Variants in BRD10 observed in about 807,000 individuals in gnomAD.
BRD10 encodes bromodomain containing 10, also known as uncharacterized bromodomain-containing protein 10.
At chr9:5,945,548 C>T in the BRD10 span, among the ~76,000 whole-genome samples, 1 of 152,080 alleles carries the variant, frequency 6.6e-6, no homozygotes, top group African/African-American at 2.4e-5. Context: ...CCACAGATAG[C>T]ATCTATTTCC....
chr9:5,982,965 TTTA>T, the BRD10 span, among the ~76,000 whole-genome samples: 3 of 152,338 alleles, frequency 2.0e-5, no homozygotes, highest in African/African-American at 7.2e-5. Context: ...TATTGTTATT[TTTA>T]TTGTTTTTTT....
chr9:6,004,884 C>G, the BRD10 span, among the ~76,000 whole-genome samples: 1 of 152,144 alleles, frequency 6.6e-6, no homozygotes, highest in African/African-American at 2.4e-5. Context: ...AACTGATGTC[C>G]TAGTATCCAC....
the BRD10 span, among the ~76,000 whole-genome samples, chr9:5,955,947 A>T: frequency 5.1e-4 from 77 of 152,254 alleles, no homozygotes; most frequent in African/African-American, 1.8e-3. Context: ...GGGGCTCATG[A>T]ATTTGAATGC....
the BRD10 span, chr9:5,923,343 T>C: frequency 2.0e-6 from 3 of 1,477,258 alleles, no homozygotes; most frequent in East Asian, 4.5e-5. Flanking sequence ...TTTGTTTATA[T>C]AAAACAGCAA....
chr9:5,919,585 A>ACACACACACACACACAC, the BRD10 span: 8 of 351,134 alleles, frequency 2.3e-5, no homozygotes, highest in African/African-American at 2.4e-4. Flanking sequence ...CACACACACA[A>ACACACACACACACACAC]TGTATAGTAT....
chr9:5,957,429 C>G, the BRD10 span, among the ~76,000 whole-genome samples: 1 of 152,080 alleles, frequency 6.6e-6, no homozygotes, highest in East Asian at 1.9e-4. Flanking sequence ...ATTTGTTATT[C>G]TAATTAATCT....
the BRD10 span, among the ~76,000 whole-genome samples, chr9:5,945,599 T>C: frequency 3.9e-4 from 59 of 152,222 alleles, no homozygotes; most frequent in East Asian, 1.3e-3. Context: ...CCTGGTAACA[T>C]TGGCAAATGG....
the BRD10 span, among the ~76,000 whole-genome samples, chr9:5,981,135 A>C: frequency 6.6e-6 from 1 of 152,226 alleles, no homozygotes; most frequent in Non-Finnish European, 1.5e-5. Context: ...TATCTGTATC[A>C]ATAGGCAACC....
At chr9:5,992,451 T>C in the BRD10 span, among the ~76,000 whole-genome samples, 172 of 152,188 alleles carry the variant, frequency 1.1e-3, 1 homozygote, top group African/African-American at 4.0e-3. Flanking sequence ...TAAAATAAGA[T>C]AAAAAAATAA....
the BRD10 span, among the ~76,000 whole-genome samples, chr9:5,907,482 T>C: frequency 6.6e-6 from 1 of 152,304 alleles, no homozygotes; most frequent in South Asian, 2.1e-4. Flanking sequence ...TAAGATGTAT[T>C]ATAATACATA....
At chr9:5,894,664 G>C in the BRD10 span, among the ~76,000 whole-genome samples, 3 of 152,298 alleles carry the variant, frequency 2.0e-5, no homozygotes, top group South Asian at 2.1e-4. The surrounding 1 kb of genome is among the most constrained non-coding windows in gnomAD (Gnocchi z 4.0). Context: ...AAACGAGCTG[G>C]TGCTTGGCAT....
the BRD10 span, among the ~76,000 whole-genome samples, chr9:5,961,181 G>C: frequency 7.9e-5 from 12 of 152,256 alleles, no homozygotes; most frequent in African/African-American, 2.6e-4. Flanking sequence ...TTATAGAATA[G>C]AGAGGAGACA....
At chr9:5,885,181 T>C in the BRD10 span, among the ~76,000 whole-genome samples, 1 of 152,294 alleles carries the variant, frequency 6.6e-6, no homozygotes, top group African/African-American at 2.4e-5. Context: ...AACCTCTCTG[T>C]CCTGGGTCTC....
At chr9:5,971,452 A>C in the BRD10 span, among the ~76,000 whole-genome samples, 4 of 152,222 alleles carry the variant, frequency 2.6e-5, no homozygotes, top group Non-Finnish European at 5.9e-5. Flanking sequence ...CAAGAGCCAA[A>C]AATGGGAACA....
At chr9:5,994,895 A>ATTTTTCTTTT in the BRD10 span, among the ~76,000 whole-genome samples, 4 of 144,488 alleles carry the variant, frequency 2.8e-5, no homozygotes, top group African/African-American at 7.9e-5. Context: ...AAATGCTATC[A>ATTTTTCTTTT]TTTTTCTTTT....
the BRD10 span, chr9:5,913,750 C>T: frequency 5.4e-6 from 1 of 184,756 alleles, no homozygotes; most frequent in Non-Finnish European, 1.1e-5. Context: ...TGAAAAAATA[C>T]ATTGATGCTG....
At chr9:5,983,449 A>G in the BRD10 span, among the ~76,000 whole-genome samples, 48 of 152,338 alleles carry the variant, frequency 3.2e-4, no homozygotes, top group South Asian at 6.2e-4. Context: ...CATGCCAAGA[A>G]GCAAAAGAAT....
the BRD10 span, among the ~76,000 whole-genome samples, chr9:5,941,519 G>A: frequency 5.3e-5 from 8 of 152,112 alleles, no homozygotes; most frequent in East Asian, 1.5e-3. Context: ...GGATCTAAAC[G>A]ATGATGAGGA....
At chr9:5,985,929 A>G in the BRD10 span, among the ~76,000 whole-genome samples, 7 of 152,292 alleles carry the variant, frequency 4.6e-5, no homozygotes, top group South Asian at 1.5e-3. Flanking sequence ...ATTCTTTAAA[A>G]AAAAATTGTT....
Sources: gnomAD v4.1 joint callset for allele counts (sites outside exome capture counted in the v4.1 genomes callset) on GRCh38, gnomAD v4.1.1 for gene constraint, Gnocchi (gnomAD v3.1) non-coding constraint, MANE v1.5 for transcripts, NCBI Gene and HGNC (gene_info 2026-07-23, HGNC 2026-07-21) for gene names.